The following XNDC1N variants were observed in gnomAD, a reference collection of about 807,000 sequenced individuals.
The protein encoded by XNDC1N is XRCC1 N-terminal domain containing 1, N-terminal like.
the XNDC1N span, among the ~76,000 whole-genome samples, chr11:71,871,911 G>A: frequency 2.6e-5 from 4 of 151,972 alleles, no homozygotes; most frequent in Admixed American, 6.5e-5. Flanking sequence ...CAATGCTGAT[G>A]GAAATATAAA....
At chr11:71,904,430 C>T in the XNDC1N span, among the ~76,000 whole-genome samples, 1 of 152,092 alleles carries the variant, frequency 6.6e-6, no homozygotes, top group Non-Finnish European at 1.5e-5. Context: ...CGGGTACACA[C>T]ACTGTGATAT....
At chr11:71,870,594 C>G in the XNDC1N span, among the ~76,000 whole-genome samples, 1 of 152,122 alleles carries the variant, frequency 6.6e-6, no homozygotes, top group African/African-American at 2.4e-5. Flanking sequence ...ATTAAAGAGA[C>G]AGTCTACAGA....
At chr11:71,916,392 C>A in the XNDC1N span, 1 of 612,202 alleles carries the variant, frequency 1.6e-6, no homozygotes, top group Non-Finnish European at 2.9e-6. Flanking sequence ...CAGTAAATGT[C>A]CCCTTAGGCT....
At chr11:71,914,228 C>A in the XNDC1N span, 2 of 453,064 alleles carry the variant, frequency 4.4e-6, no homozygotes, top group Admixed American at 4.7e-5. Flanking sequence ...TTAAAACCTT[C>A]TGGAAATAAT....
chr11:71,912,359 C>T, the XNDC1N span, among the ~76,000 whole-genome samples: 4 of 152,184 alleles, frequency 2.6e-5, no homozygotes, highest in South Asian at 2.1e-4. Flanking sequence ...ATGTTAGCAA[C>T]GAGATCACAG....
chr11:71,918,615 TA>T, the XNDC1N span, among the ~76,000 whole-genome samples: 3 of 152,198 alleles, frequency 2.0e-5, no homozygotes, highest in Admixed American at 2.0e-4. Context: ...CCTAAGGTTT[TA>T]CCCAGGCCAC....
the XNDC1N span, among the ~76,000 whole-genome samples, chr11:71,895,114 ATTTT>A: frequency 0.029 from 4,216 of 147,570 alleles, 40 homozygotes; most frequent in East Asian, 0.08. Context: ...GAGTGTGTGG[ATTTT>A]TTTTTTTTTT....
the XNDC1N span, among the ~76,000 whole-genome samples, chr11:71,871,127 C>T: frequency 6.6e-6 from 1 of 152,162 alleles, no homozygotes; most frequent in Admixed American, 6.5e-5. Context: ...TGGAATCAAC[C>T]TAAGTGTCTA....
chr11:71,885,858 T>C, the XNDC1N span, among the ~76,000 whole-genome samples: 6 of 151,984 alleles, frequency 3.9e-5, no homozygotes, highest in South Asian at 2.1e-4. Flanking sequence ...ATATCAGGCA[T>C]CATTAATCAT....
the XNDC1N span, chr11:71,915,990 T>G: frequency 1.5e-6 from 1 of 659,780 alleles, no homozygotes; most frequent in East Asian, 2.7e-5. Flanking sequence ...TGTGTGTCTA[T>G]GTCTCAAACA....
chr11:71,913,932 T>C, the XNDC1N span, among the ~76,000 whole-genome samples: 1 of 152,224 alleles, frequency 6.6e-6, no homozygotes, highest in African/African-American at 2.4e-5. Context: ...GTTTACAGCA[T>C]GGTTTCCTGA....
the XNDC1N span, among the ~76,000 whole-genome samples, chr11:71,926,478 T>C: frequency 6.6e-6 from 1 of 152,210 alleles, no homozygotes; most frequent in African/African-American, 2.4e-5. Context: ...GTCATGTTCA[T>C]GATCTCCCAC....
chr11:71,887,781 A>C, the XNDC1N span, among the ~76,000 whole-genome samples: 4,445 of 150,562 alleles, frequency 0.03, no homozygotes, highest in East Asian at 0.062. Flanking sequence ...CATCAAGCTA[A>C]ACTGACTTTC....
chr11:71,920,639 G>T, the XNDC1N span, among the ~76,000 whole-genome samples: 1 of 152,140 alleles, frequency 6.6e-6, no homozygotes, highest in African/African-American at 2.4e-5. Flanking sequence ...TATCTTTATA[G>T]TTATTCTGTG....
At chr11:71,915,340 C>G in the XNDC1N span, among the ~76,000 whole-genome samples, 2 of 151,572 alleles carry the variant, frequency 1.3e-5, no homozygotes, top group Middle Eastern at 6.8e-3. Context: ...CCCAGCTATT[C>G]GGGAGGCTGA....
the XNDC1N span, among the ~76,000 whole-genome samples, chr11:71,883,547 A>C: frequency 6.6e-6 from 1 of 152,202 alleles, no homozygotes; most frequent in Non-Finnish European, 1.5e-5. Context: ...TATGCAAAAG[A>C]ATAAAACTGG....
the XNDC1N span, among the ~76,000 whole-genome samples, chr11:71,866,551 G>T: frequency 1.3e-4 from 20 of 152,158 alleles, no homozygotes; most frequent in African/African-American, 4.1e-4. Flanking sequence ...GGAGGCCGAG[G>T]TCAGGAGTTC....
At chr11:71,878,285 T>C in the XNDC1N span, among the ~76,000 whole-genome samples, 1 of 152,232 alleles carries the variant, frequency 6.6e-6, no homozygotes, top group Non-Finnish European at 1.5e-5. Context: ...GTCATGATGA[T>C]TGCATGCTGT....
the XNDC1N span, among the ~76,000 whole-genome samples, chr11:71,901,308 G>C: frequency 6.6e-6 from 1 of 152,070 alleles, no homozygotes; most frequent in Non-Finnish European, 1.5e-5. Flanking sequence ...TCTGCTTAAA[G>C]CTTTTGGAAG....
Sources: allele counts gnomAD v4.1 joint callset (sites outside exome capture counted in the v4.1 genomes callset), GRCh38; gene constraint gnomAD v4.1.1; transcripts MANE v1.5; gene names NCBI Gene and HGNC (gene_info 2026-07-23, HGNC 2026-07-21).